CP: variants seen among roughly 807,000 people sequenced by gnomAD.
CP encodes caeruloplasmin.
In CP, 64 loss-of-function variants were observed where a neutral mutation model predicts 122.4. That is an observed-to-expected ratio of 0.52 (90% CI 0.43 to 0.64). CP has a LOEUF of 0.64. CP is among the 30% of genes least tolerant of loss of function. CP has a pLI of 0.00. For synonymous variants in CP, 440 were observed against 436.4 expected (o/e 1.01, Z -0.10); for missense variants, 1,167 against 1,284.4 (o/e 0.91, Z 1.40).
chr3:149,213,458 T>C (rs1483131701), intron 1 of CP, among the ~76,000 whole-genome samples: 1 of 152,226 alleles, frequency 6.6e-6, no homozygotes, highest in Non-Finnish European at 1.5e-5. Context: ...AAATTTGGTT[T>C]GAATTAATTT....
Position 149,202,108 on chromosome 3 carries a change from T to G in CP, c.1342A>C (p.Ile448Leu), listed in dbSNP as rs1304393698. The G allele has an allele frequency of 6.2e-7, 1 of 1,614,096 alleles. No individual in the cohort carries two copies. The highest frequency in any genetic ancestry group is 1.7e-5 in the Admixed American group (1 of 60,018). ...ATATTCTGCAAGAACTCACCCAGGA[T>G]GCCAAGATGCTCTTCTTCAGGGCCT... ...ERGPEEEHLG[I>L]LGPVIWAEVG... The change falls in exon 7 of 19, where the codon ATC becomes CTC. Residue 448 changes from isoleucine (I) to leucine (L), a missense_variant. Transcript: ENST00000264613.
chr3:149,199,738 G>C lies in CP; in HGVS notation c.1475C>G (p.Ser492Cys). The change falls in exon 8 of 19, where the codon TCC (serine) becomes TGC (cysteine). Residue 492 changes from serine to cysteine, a missense_variant. Ser to Cys is a moderately radical substitution (Grantham distance 112). Transcript: ENST00000264613. ...FNKNNEGTYY[S>C]PNYNPQSRSV... ...TCTGCTCTGGGGGTTGTAATTTGGG[G>C]AATAGTATGTGCCCTCGTTGTTCTT... The C allele has an allele frequency of 4.3e-6, 7 of 1,614,114 alleles. No individual in the cohort carries two copies. Among genetic ancestry groups the C allele is most frequent in the Non-Finnish European group, 5.9e-6 (7 of 1,180,010 alleles).
chr3:149,213,326 T>C (rs1728236673), intron 1 of CP, among the ~76,000 whole-genome samples: 1 of 152,246 alleles, frequency 6.6e-6, no homozygotes, highest in South Asian at 2.1e-4. Flanking sequence ...CCCTCACTAG[T>C]ACAGATACTT....
At chr3:149,221,424 T>G (rs1311324425) in intron 1 of CP, among the ~76,000 whole-genome samples, 2 of 152,098 alleles carry the variant, frequency 1.3e-5, no homozygotes, top group Non-Finnish European at 2.9e-5. Context: ...GGTAGTAAGA[T>G]GTGAACACAG....
Position 149,188,155 on chromosome 3 carries a change from C to G in CP, c.1761G>C (p.Glu587Asp), listed in dbSNP as rs56106481. ...TATCTTCCAGGAGTAAACTCTCATT[C>G]TCATCAAATACTGTAGGAAACAAAT... ...EFYLFPTVFD[E>D]NESLLLEDNI... Residue 587 changes from glutamate (E) to aspartate (D), a missense_variant, in exon 10 of 19, where the codon GAG (glutamate) becomes GAC (aspartate). Physicochemically the swap from Glu to Asp is conservative, Grantham distance 45 (BLOSUM62 2). Coordinates refer to ENST00000264613, the MANE Select transcript of CP (RefSeq NM_000096.4). 5.0e-6 allele frequency: 8 copies of G among 1,612,670 alleles called. No homozygotes were observed. The highest frequency in any genetic ancestry group is 6.8e-6 in the Non-Finnish European group (8 of 1,179,554).
chr3:149,201,271 C>T (rs2108275635), intron 7 of CP, among the ~76,000 whole-genome samples: 1 of 152,198 alleles, frequency 6.6e-6, no homozygotes, highest in South Asian at 2.1e-4. Context: ...CAGGCACCCG[C>T]CACCACGCCC....
intron 12 of CP, among the ~76,000 whole-genome samples, chr3:149,184,975 A>G (rs1457617713): frequency 6.6e-6 from 1 of 152,210 alleles, no homozygotes. Flanking sequence ...GGGCACATGA[A>G]TGTGAGAAGA....
intron 15 of CP, among the ~76,000 whole-genome samples, chr3:149,179,033 A>G (rs16861588): frequency 0.15 from 22,464 of 152,130 alleles, 2,244 homozygotes; most frequent in East Asian, 0.28. Context: ...GACCACAAAT[A>G]CCAGATTTAC....
chr3:149,197,170 G>T (rs145024878), intron 9 of CP, among the ~76,000 whole-genome samples: 1 of 151,844 alleles, frequency 6.6e-6, no homozygotes, highest in Non-Finnish European at 1.5e-5. Flanking sequence ...CTCTCTTTTC[G>T]GACTCAGCCC....
At chr3:149,190,168 A>T (rs1463628968) in intron 9 of CP, among the ~76,000 whole-genome samples, 1 of 152,232 alleles carries the variant, frequency 6.6e-6, no homozygotes, top group East Asian at 1.9e-4. Context: ...AGACCAGAGA[A>T]ATATAAATCT....
rs1219515943 is a variant in CP at position 149,212,540 on chromosome 3, C to A, written c.305G>T (p.Gly102Val). 1 of 1,613,860 alleles carries A rather than the reference C, an allele frequency of 6.2e-7. No individual in the cohort carries two copies. Among genetic ancestry groups the A allele is most frequent in the African/African-American group, 1.3e-5 (1 of 74,884 alleles). ...TTTTAAGTGTACATAAACTTTATCTCCAGTTTCAGCTTTGATAATAGGGCC... is the reference window on the plus strand; with the variant it reads ...TTTTAAGTGTACATAAACTTTATCTACAGTTTCAGCTTTGATAATAGGGCC... ...FLGPIIKAET[G>V]DKVYVHLKNL... is the part of the protein sequence containing the mutation. The change falls in exon 2 of 19, where the codon GGA becomes GTA. Residue 102 changes from glycine (G) to valine (V), a missense_variant. Transcript: ENST00000264613.
downstream of CP, among the ~76,000 whole-genome samples, chr3:149,171,500 G>A (rs1724985055): frequency 6.6e-6 from 1 of 152,062 alleles, no homozygotes; most frequent in Non-Finnish European, 1.5e-5. Flanking sequence ...TTTCTTTAGA[G>A]GATAGTAGAA....
At chr3:149,189,012 C>A (rs764356055) in intron 9 of CP, among the ~76,000 whole-genome samples, 1 of 152,006 alleles carries the variant, frequency 6.6e-6, no homozygotes, top group African/African-American at 2.4e-5. Flanking sequence ...TGAAGGGGAT[C>A]TAAAGAAAGC....
intron 5 of CP, among the ~76,000 whole-genome samples, chr3:149,163,118 G>A (rs910802974): frequency 1.3e-5 from 2 of 152,156 alleles, no homozygotes; most frequent in South Asian, 2.1e-4. Flanking sequence ...TAATTGCAGT[G>A]GTAGCTCAGT....
At chr3:149,209,095 G>C (rs1485023064) in intron 4 of CP, 116 bp downstream of exon 4, 1 of 1,334,400 alleles carries the variant, frequency 7.5e-7, no homozygotes, top group Non-Finnish European at 1.1e-6. Flanking sequence ...AATATGCTTT[G>C]TTATAAGGAC....
chr3:149,194,464 C>G (rs996326461), intron 9 of CP, among the ~76,000 whole-genome samples: 1 of 152,092 alleles, frequency 6.6e-6, no homozygotes, highest in African/African-American at 2.4e-5. Context: ...GTCTGAAACT[C>G]TTGACCTCAA....
chr3:149,206,569 A>G (rs1727741278), intron 5 of CP, among the ~76,000 whole-genome samples: 1 of 152,218 alleles, frequency 6.6e-6, no homozygotes, highest in Non-Finnish European at 1.5e-5. Flanking sequence ...TATTAAGCAT[A>G]TATGTTTTCA....
chr3:149,180,808 C>T (rs893241790), intron 14 of CP, among the ~76,000 whole-genome samples: 2 of 152,180 alleles, frequency 1.3e-5, no homozygotes, highest in Non-Finnish European at 2.9e-5. Flanking sequence ...ATTTTCTTCT[C>T]TTTTCCACAC....
In CP at chr3:149,212,333, T is replaced by G. The variant is rs1728171550; in HGVS notation, c.394+118A>C. The G allele has an allele frequency of 3.7e-6, 4 of 1,081,902 alleles. No homozygotes were observed. The South Asian group carries it at 6.5e-5, about 18-fold the overall frequency. The allele number at this position is 1,081,902 out of a possible 1,614,324, so 67.0% of individuals were successfully genotyped here. A position where few individuals can be genotyped will look rare whatever the true frequency, so the allele number is the denominator to read the frequency against. Reference sequence around the variant, plus strand: ...TTAAAAAAAAATAAAAAAAAAATAGTTAAGAGCTGAATGGCAGTTATATGT... The same window carrying G: ...TTAAAAAAAAATAAAAAAAAAATAGGTAAGAGCTGAATGGCAGTTATATGT... On this transcript the variant is annotated intron_variant, in intron 2 of 18. Coordinates refer to ENST00000264613, the MANE Select transcript of CP (RefSeq NM_000096.4).
Sources: allele counts gnomAD v4.1 joint callset (sites outside exome capture counted in the v4.1 genomes callset), GRCh38; gene constraint gnomAD v4.1.1; transcripts MANE v1.5; gene names NCBI Gene and HGNC (gene_info 2026-07-23, HGNC 2026-07-21).